The following MSH3 variants were observed in gnomAD, a reference collection of about 807,000 sequenced individuals.
MSH3 encodes DNA mismatch repair protein Msh3.
MSH3 carries 106 observed loss-of-function variants against 123.3 expected under a neutral mutation model. The ratio of observed to expected loss-of-function variants is 0.86; its 90% CI spans 0.73 to 1.01. The LOEUF is 1.01. Among genes scored for constraint, MSH3 ranks in the 50% least tolerant of loss-of-function variants. The pLI is 0.00. For synonymous variants in MSH3, 515 were observed against 481.4 expected, an observed-to-expected ratio of 1.07 and a Z score of -0.91; for missense variants, 1,459 against 1,347.6, an observed-to-expected ratio of 1.08 and a Z score of -1.29.
chr5:80,787,551 T>C lies in MSH3; in HGVS notation c.2436-14T>C. 6.3e-7 allele frequency: 1 copy of C among 1,587,604 alleles called. No individual in the cohort carries two copies. Among genetic ancestry groups the C allele is most frequent in the East Asian group, 2.2e-5 (1 of 44,678 alleles). ...AGTTTGCTCACCTTTTTGTTGTTGC[T>C]GCTGCTTCCGTAGGAAATTCAGTGA... On this transcript the variant is annotated splice_polypyrimidine_tract_variant and intron_variant, in intron 17 of 23. Coordinates refer to ENST00000265081, the MANE Select transcript of MSH3 (RefSeq NM_002439.5).
At chr5:80,831,217 C>T (rs1367489898) in intron 20 of MSH3, among the ~76,000 whole-genome samples, 1 of 152,192 alleles carries the variant, frequency 6.6e-6, no homozygotes, top group Non-Finnish European at 1.5e-5. Context: ...CTTGTCTTAA[C>T]AGAATGATAC....
At chr5:80,793,963 G>C (rs6151854) in intron 19 of MSH3, among the ~76,000 whole-genome samples, 9,345 of 152,138 alleles carry the variant, frequency 0.061, 393 homozygotes, top group Non-Finnish European at 0.091. Context: ...ACTTCATTTT[G>C]GCATAGATGA....
chr5:80,828,363 G>A (rs1745357430), intron 20 of MSH3, among the ~76,000 whole-genome samples: 1 of 152,062 alleles, frequency 6.6e-6, no homozygotes. Context: ...CCATTCATAA[G>A]GGCAGAGCCC....
intron 22 of MSH3, among the ~76,000 whole-genome samples, chr5:80,867,914 TTTA>T (rs1447182112): frequency 3.3e-5 from 5 of 152,304 alleles, no homozygotes; most frequent in African/African-American, 1.2e-4. Context: ...GTGCAAAAGC[TTTA>T]TAGTTTAATT....
chr5:80,731,405 A>C (rs898050165), intron 10 of MSH3, among the ~76,000 whole-genome samples: 1 of 152,136 alleles, frequency 6.6e-6, no homozygotes, highest in Non-Finnish European at 1.5e-5. Flanking sequence ...TGTATCATCT[A>C]ATCTACCTGT....
chr5:80,682,446 G>A (rs1196699519), intron 8 of MSH3, among the ~76,000 whole-genome samples: 2 of 151,976 alleles, frequency 1.3e-5, no homozygotes, highest in African/African-American at 2.4e-5. Context: ...GTGGCTGGGC[G>A]CAGTGGCTTA....
intron 19 of MSH3, among the ~76,000 whole-genome samples, chr5:80,809,366 A>G (rs1381642866): frequency 8.7e-6 from 1 of 114,334 alleles, no homozygotes; most frequent in Non-Finnish European, 1.9e-5. Context: ...TAATACTTTT[A>G]AAGAATACAC....
intron 17 of MSH3, among the ~76,000 whole-genome samples, chr5:80,786,549 T>C (rs917320620): frequency 1.3e-5 from 2 of 152,234 alleles, no homozygotes; most frequent in South Asian, 2.1e-4. Context: ...ACATTTTTTG[T>C]GCCTCTTAAT....
chr5:80,748,728 A>G (rs1743771439), intron 12 of MSH3, among the ~76,000 whole-genome samples: 1 of 130,110 alleles, frequency 7.7e-6, no homozygotes, highest in Non-Finnish European at 1.7e-5. Flanking sequence ...ACACACACAC[A>G]CACACCCATA....
chr5:80,871,958 A>G (rs1431207282), intron 22 of MSH3, among the ~76,000 whole-genome samples: 2 of 152,134 alleles, frequency 1.3e-5, no homozygotes, highest in South Asian at 2.1e-4. Flanking sequence ...TTCAGCTGCA[A>G]CAATTTCCAA....
At chr5:80,843,814 G>T (rs1254697889) in intron 20 of MSH3, among the ~76,000 whole-genome samples, 1 of 151,818 alleles carries the variant, frequency 6.6e-6, no homozygotes, top group Non-Finnish European at 1.5e-5. Flanking sequence ...TATTAGTCTT[G>T]CTAGCAGTCT....
intron 8 of MSH3, among the ~76,000 whole-genome samples, chr5:80,693,698 C>T (rs1383039966): frequency 6.6e-6 from 1 of 151,962 alleles, no homozygotes; most frequent in East Asian, 1.9e-4. Flanking sequence ...CACTCTGTCA[C>T]CCAGGCTGGA....
At chr5:80,687,975 G>A (rs1401693803) in intron 8 of MSH3, among the ~76,000 whole-genome samples, 2 of 152,154 alleles carry the variant, frequency 1.3e-5, no homozygotes, top group African/African-American at 4.8e-5. Context: ...TAAAGAGCTA[G>A]GTGGAGAACC....
At chr5:80,797,947 C>G (rs1053473126) in intron 19 of MSH3, among the ~76,000 whole-genome samples, 3 of 152,044 alleles carry the variant, frequency 2.0e-5, no homozygotes, top group African/African-American at 7.2e-5. Flanking sequence ...TTTGTTAAAC[C>G]AAATGACTCT....
chr5:80,728,414 A>G (rs1032167586), intron 9 of MSH3, among the ~76,000 whole-genome samples: 1 of 152,230 alleles, frequency 6.6e-6, no homozygotes, highest in African/African-American at 2.4e-5. Flanking sequence ...CATAATAACC[A>G]GGATTTACCC....
intron 8 of MSH3, among the ~76,000 whole-genome samples, chr5:80,687,309 T>C (rs1750114347): frequency 6.6e-6 from 1 of 152,204 alleles, no homozygotes; most frequent in African/African-American, 2.4e-5. Context: ...TCAATTGCAG[T>C]TAAGGTTGCT....
At chr5:80,668,987 G>A (rs758878502) in intron 3 of MSH3, among the ~76,000 whole-genome samples, 72 of 152,320 alleles carry the variant, frequency 4.7e-4, no homozygotes, top group Non-Finnish European at 9.1e-4. Flanking sequence ...TGGCGTTACG[G>A]CAGTGGCTGC....
chr5:80,793,392 T>TC (rs1487943622), intron 19 of MSH3, among the ~76,000 whole-genome samples: 1 of 152,202 alleles, frequency 6.6e-6, no homozygotes, highest in East Asian at 1.9e-4. Context: ...ACAGAACTCT[T>TC]CCCTGCCCTC....
At chr5:80,719,688 A>G (rs1418955790) in intron 8 of MSH3, among the ~76,000 whole-genome samples, 1 of 152,238 alleles carries the variant, frequency 6.6e-6, no homozygotes, top group Non-Finnish European at 1.5e-5. Flanking sequence ...GTTGTAATAT[A>G]TCTGCATCAT....
Sources: gnomAD v4.1 joint callset for allele counts (sites outside exome capture counted in the v4.1 genomes callset) on GRCh38, gnomAD v4.1.1 for gene constraint, MANE v1.5 for transcripts, NCBI Gene and HGNC (gene_info 2026-07-23, HGNC 2026-07-21) for gene names.